The following SDCCAG8 variants were observed in gnomAD, a reference collection of about 807,000 sequenced individuals.
SDCCAG8 encodes SHH signaling and ciliogenesis regulator SDCCAG8.
Under a neutral mutation model 101.8 loss-of-function variants are expected in SDCCAG8, and 74 were observed. The observed-to-expected ratio is 0.73, with a 90% CI of 0.60 to 0.88. The LOEUF (loss-of-function observed/expected upper bound fraction) is 0.88, where lower values mean the gene tolerates loss of function less well. SDCCAG8 is among the 40% of genes least tolerant of loss of function. The pLI, the probability that SDCCAG8 is intolerant of heterozygous loss-of-function variation, is 0.00. For missense variants in SDCCAG8, 787 were observed against 822.6 expected (o/e 0.96, Z 0.53); for synonymous variants, 281 against 292.9 (o/e 0.96, Z 0.41).
chr1:243,393,735 A>G (rs1441579807), intron 13 of SDCCAG8, among the ~76,000 whole-genome samples: 1 of 152,234 alleles, frequency 6.6e-6, no homozygotes, highest in Non-Finnish European at 1.5e-5. Flanking sequence ...AGTTTGCAGT[A>G]TCAAGGCTAT....
At chr1:243,426,892 A>G (rs2148044708) in intron 16 of SDCCAG8, among the ~76,000 whole-genome samples, 1 of 152,340 alleles carries the variant, frequency 6.6e-6, no homozygotes, top group South Asian at 2.1e-4. Context: ...CCTAGAAATT[A>G]GATTTTATAT....
At chr1:243,496,345 G>A (rs774279782) in intron 17 of SDCCAG8, among the ~76,000 whole-genome samples, 1 of 152,202 alleles carries the variant, frequency 6.6e-6, no homozygotes, top group Non-Finnish European at 1.5e-5. Flanking sequence ...GGAGGCGGGA[G>A]GCGAGCCACC....
Position 243,418,076 on chromosome 1 carries a change from G to A in SDCCAG8, c.1853G>A (p.Arg618Lys). 6.3e-7 allele frequency: 1 copy of A among 1,595,360 alleles called. No individual in the cohort carries two copies. Among genetic ancestry groups the A allele is most frequent in the Non-Finnish European group, 8.6e-7 (1 of 1,163,444 alleles). The part of the protein sequence containing the change: ...KKLEQISQKT[R>K]SEIAQLSQEK... ...CTGGAACAAATCTCTCAAAAAACCA[G>A]GTAGGTGATGTTATAGAATACTTTC... Residue 618 changes from arginine to lysine, a missense_variant and splice_region_variant, in exon 15 of 18, where the codon AGA becomes AAA. By Grantham distance (26) the Arg-to-Lys change is conservative (BLOSUM62 2). Coordinates refer to ENST00000366541, the MANE Select transcript of SDCCAG8 (RefSeq NM_006642.5).
intron 16 of SDCCAG8, among the ~76,000 whole-genome samples, chr1:243,452,440 T>G (rs968284659): frequency 1.0e-4 from 15 of 143,740 alleles, no homozygotes; most frequent in South Asian, 4.5e-4. Flanking sequence ...TTTTTTTTTT[T>G]GGGACAGTAT....
At chr1:243,475,636 G>C (rs1662257818) in intron 16 of SDCCAG8, among the ~76,000 whole-genome samples, 2 of 152,114 alleles carry the variant, frequency 1.3e-5, no homozygotes, top group Non-Finnish European at 2.9e-5. Context: ...AGGACCCAAG[G>C]CTTATGCACA....
Position 243,447,529 on chromosome 1 carries a change from A to G in SDCCAG8, c.1985+20971A>G, listed in dbSNP as rs1013367709. ...GTGCCTGCGCACGCACACACACACT[A>G]TCTTACATAACTGCCTGTTTACTCC... On this transcript the variant is annotated intron_variant, in intron 16 of 17. Transcript: ENST00000366541. 6.6e-5 allele frequency among the ~76,000 whole-genome samples: 10 copies of G among 152,094 alleles called. No homozygotes were observed. In the East Asian group the frequency reaches 1.5e-3, roughly 24 times the overall value.
At chr1:243,414,874 T>TGTGTGC (rs1184734128) in intron 13 of SDCCAG8, among the ~76,000 whole-genome samples, 7 of 149,206 alleles carry the variant, frequency 4.7e-5, no homozygotes, top group East Asian at 2.0e-4. Flanking sequence ...TGTGTGTGTG[T>TGTGTGC]GCACATGTAC....
chr1:243,286,458 T>G, intron 5 of SDCCAG8, 61 bp downstream of exon 5: 1 of 1,569,092 alleles, frequency 6.4e-7, no homozygotes, highest in Non-Finnish European at 8.7e-7. Context: ...CTGCCCTCTC[T>G]CCTCGCCTTC....
intron 16 of SDCCAG8, among the ~76,000 whole-genome samples, chr1:243,432,847 A>T (rs1431332281): frequency 1.3e-5 from 2 of 152,196 alleles, no homozygotes; most frequent in Non-Finnish European, 2.9e-5. Context: ...TGCTTATTTT[A>T]AATGAAATGC....
intron 13 of SDCCAG8, among the ~76,000 whole-genome samples, chr1:243,386,770 A>AAC (rs201135127): frequency 1.7e-4 from 25 of 144,166 alleles, no homozygotes; most frequent in Non-Finnish European, 2.9e-4. Flanking sequence ...AAAGAAAGTG[A>AAC]GAGAGAGAGA....
chr1:243,477,172 C>T (rs1662616224), intron 16 of SDCCAG8, among the ~76,000 whole-genome samples: 2 of 152,152 alleles, frequency 1.3e-5, no homozygotes, highest in South Asian at 4.1e-4. Context: ...CCAAATAAAC[C>T]CATTTTTAAG....
At chr1:243,459,585 TAC>T (rs1658622832) in intron 16 of SDCCAG8, among the ~76,000 whole-genome samples, 5 of 152,186 alleles carry the variant, frequency 3.3e-5, no homozygotes, top group Admixed American at 6.5e-5. Context: ...TGGAAGGTGA[TAC>T]TAAAATATTT....
intron 13 of SDCCAG8, among the ~76,000 whole-genome samples, chr1:243,410,606 C>A (rs1281578660): frequency 6.6e-6 from 1 of 152,108 alleles, no homozygotes; most frequent in East Asian, 1.9e-4. Flanking sequence ...GCTTCAACCC[C>A]ACAACTACCA....
intron 16 of SDCCAG8, among the ~76,000 whole-genome samples, chr1:243,466,702 G>A (rs1321363647): frequency 6.6e-6 from 1 of 152,226 alleles, no homozygotes; most frequent in Non-Finnish European, 1.5e-5. Context: ...AATAGGAAAT[G>A]AGCCTGTATT....
rs752412976 is a variant in SDCCAG8 at position 243,415,791 on chromosome 1, A to G, written c.1706A>G (p.Gln569Arg). ...CAGCAAAGAGAGCAGGAGCTGACAC[A>G]GAAGATACAGCAAATGGAGGCCCAG... ...QAQQREQELT[Q>R]KIQQMEAQHD... is the part of the protein sequence containing the mutation. The change falls in exon 14 of 18, where the codon CAG becomes CGG. Residue 569 changes from glutamine (Q) to arginine (R), a missense_variant. Physicochemically the swap from Gln to Arg is conservative, Grantham distance 43 (BLOSUM62 1). Coordinates refer to ENST00000366541, the MANE Select transcript of SDCCAG8 (RefSeq NM_006642.5). 1 of 1,613,762 alleles carries G rather than the reference A, an allele frequency of 6.2e-7. No homozygotes were observed. Among genetic ancestry groups the G allele is most frequent in the Non-Finnish European group, 8.5e-7 (1 of 1,179,764 alleles).
chr1:243,256,336 C>A, intron 1 of SDCCAG8, 96 bp downstream of exon 1: 1 of 929,270 alleles, frequency 1.1e-6, no homozygotes, highest in Non-Finnish European at 1.8e-6. Flanking sequence ...TGGGTTCTGC[C>A]CCGTCCACGC....
At chr1:243,437,110 C>G (rs1316458237) in intron 16 of SDCCAG8, among the ~76,000 whole-genome samples, 6 of 152,160 alleles carry the variant, frequency 3.9e-5, no homozygotes, top group African/African-American at 1.2e-4. Flanking sequence ...ACTCTTAAGA[C>G]TTAAAATTTA....
chr1:243,320,142 G>A (rs2073631106), intron 9 of SDCCAG8, among the ~76,000 whole-genome samples: 1 of 152,094 alleles, frequency 6.6e-6, no homozygotes, highest in Non-Finnish European at 1.5e-5. Context: ...TCAGAAAACT[G>A]GATTTCACCC....
rs1026738440 is a variant in SDCCAG8 at position 243,406,513 on chromosome 1, C to T, written c.1617-9189C>T. Among the ~76,000 whole-genome samples, 7 of 152,190 alleles carry T rather than the reference C, an allele frequency of 4.6e-5. 1 individual carries two copies. The highest frequency in any genetic ancestry group is 1.0e-4 in the Non-Finnish European group (7 of 68,034). On this transcript the variant is annotated intron_variant, in intron 13 of 17. Transcript: ENST00000366541. ...CTTACTATTGCTGTAGTAATAAGTGCTTTCCCTGATTCTAATGTTGTCCCT... is the reference window on the plus strand; with the variant it reads ...CTTACTATTGCTGTAGTAATAAGTGTTTTCCCTGATTCTAATGTTGTCCCT...
Sources: gnomAD v4.1 joint callset for allele counts (sites outside exome capture counted in the v4.1 genomes callset) on GRCh38, gnomAD v4.1.1 for gene constraint, MANE v1.5 for transcripts, NCBI Gene and HGNC (gene_info 2026-07-23, HGNC 2026-07-21) for gene names.